The following GRIA2 variants were observed in gnomAD, a reference collection of about 807,000 sequenced individuals.
GRIA2 encodes glutamate receptor 2.
A neutral mutation model predicts 97.3 loss-of-function variants in GRIA2; 14 were observed. The observed-to-expected ratio is 0.14, with a 90% confidence interval of 0.10 to 0.23. The LOEUF is 0.23. GRIA2 is among the 10% of genes least tolerant of loss of function. The pLI, the probability that GRIA2 is intolerant of heterozygous loss-of-function variation, is 1.00. For synonymous variants in GRIA2, 412 were observed against 387.8 expected (o/e 1.06, Z -0.73); for missense variants, 558 against 1,069.8 (o/e 0.52, Z 6.67).
chr4:157,258,005 A>T (rs1731354431), intron 2 of GRIA2, among the ~76,000 whole-genome samples: 1 of 152,120 alleles, frequency 6.6e-6, no homozygotes. Flanking sequence ...TTCCCCAGTC[A>T]CTATTCTTGT....
At chr4:157,337,801 T>G (rs1340139866) in intron 11 of GRIA2, among the ~76,000 whole-genome samples, 1 of 151,492 alleles carries the variant, frequency 6.6e-6, no homozygotes, top group African/African-American at 2.4e-5. Flanking sequence ...AAATACATCA[T>G]GTAGCCAGAA....
chr4:157,257,412 A>G (rs1731327011), intron 2 of GRIA2, among the ~76,000 whole-genome samples: 1 of 152,104 alleles, frequency 6.6e-6, no homozygotes, highest in African/African-American at 2.4e-5. Flanking sequence ...AATGTGTCTT[A>G]AAAATACAGG....
intron 2 of GRIA2, among the ~76,000 whole-genome samples, chr4:157,295,631 C>T (rs1480966854): frequency 4.6e-5 from 7 of 151,976 alleles, no homozygotes; most frequent in Admixed American, 4.6e-4. Flanking sequence ...CCTTTCTGTC[C>T]ATAGATAGGA....
intron 12 of GRIA2, chr4:157,342,433 T>TG: frequency 1.0e-6 from 1 of 984,104 alleles, no homozygotes; most frequent in South Asian, 4.7e-5. Flanking sequence ...GATAGTAACT[T>TG]GGGTGTATGT....
At chr4:157,251,252 A>C (rs935349515) in intron 2 of GRIA2, among the ~76,000 whole-genome samples, 2 of 152,128 alleles carry the variant, frequency 1.3e-5, no homozygotes, top group Non-Finnish European at 2.9e-5. Context: ...AATGTCTCAG[A>C]AAGTATTTAA....
intron 12 of GRIA2, among the ~76,000 whole-genome samples, chr4:157,358,265 C>CAA (rs1332594992): frequency 2.0e-5 from 3 of 151,948 alleles, no homozygotes; most frequent in African/African-American, 4.8e-5. Flanking sequence ...TCAGAAAAAG[C>CAA]AAAAATGGTT....
intron 2 of GRIA2, among the ~76,000 whole-genome samples, chr4:157,279,956 C>T (rs565449086): frequency 3.3e-5 from 5 of 152,172 alleles, no homozygotes; most frequent in African/African-American, 1.2e-4. Context: ...AAAACCCCGT[C>T]TCTACTAAAA....
chr4:157,341,245 A>G lies in GRIA2; in HGVS notation c.1845-19A>G, dbSNP rs1212825583. The G allele has an allele frequency of 6.4e-7, 1 of 1,566,296 alleles. No homozygotes were observed. Among genetic ancestry groups the G allele is most frequent in the Non-Finnish European group, 8.8e-7 (1 of 1,137,096 alleles). ...GTCATTCATTTCACTTTACAAATCC[A>G]TTTCATACTTGTTATTAGATCCCTC... On this transcript the variant is annotated intron_variant, in intron 11 of 15. Transcript: ENST00000264426.
chr4:157,288,699 A>G (rs1732957752), intron 2 of GRIA2, among the ~76,000 whole-genome samples: 1 of 151,906 alleles, frequency 6.6e-6, no homozygotes, highest in African/African-American at 2.4e-5. Context: ...GAAACAGACA[A>G]ATATCCTCTG....
chr4:157,297,053 A>T (rs186356982), intron 2 of GRIA2, among the ~76,000 whole-genome samples: 1 of 152,292 alleles, frequency 6.6e-6, no homozygotes, highest in Non-Finnish European at 1.5e-5. Context: ...AAATTGATGG[A>T]TTTTAAGCAG....
At chr4:157,295,421 T>A (rs1348827839) in intron 2 of GRIA2, among the ~76,000 whole-genome samples, 2 of 152,062 alleles carry the variant, frequency 1.3e-5, no homozygotes, top group Non-Finnish European at 2.9e-5. Context: ...TTATGGAAAA[T>A]GTCATTGGGG....
intron 2 of GRIA2, among the ~76,000 whole-genome samples, chr4:157,282,680 A>C (rs1732660381): frequency 6.6e-6 from 1 of 152,072 alleles, no homozygotes; most frequent in African/African-American, 2.4e-5. Flanking sequence ...TGTTTCTGGT[A>C]GATTTTGCTT....
intron 2 of GRIA2, among the ~76,000 whole-genome samples, chr4:157,292,312 A>G (rs925027148): frequency 2.6e-5 from 4 of 152,096 alleles, no homozygotes; most frequent in Non-Finnish European, 5.9e-5. Context: ...CAATAAAATT[A>G]CATTAAAAGC....
At chr4:157,317,792 T>C in intron 5 of GRIA2, 81 bp downstream of exon 5, 1 of 642,242 alleles carries the variant, frequency 1.6e-6, no homozygotes, top group South Asian at 1.8e-5. Flanking sequence ...CCAGCATTTA[T>C]CAGTGGTGTT....
intron 2 of GRIA2, among the ~76,000 whole-genome samples, chr4:157,296,417 TA>T: frequency 6.6e-6 from 1 of 152,172 alleles, no homozygotes; most frequent in East Asian, 1.9e-4. Context: ...ATTTGACAAA[TA>T]TTTAATGATT....
intron 11 of GRIA2, 74 bp from the exon 12 acceptor site, chr4:157,341,190 C>T: frequency 1.1e-6 from 1 of 947,910 alleles, no homozygotes. Flanking sequence ...TCAATATTTG[C>T]ATAATACTGC....
chr4:157,317,313 G>A (rs1429056417), intron 4 of GRIA2, among the ~76,000 whole-genome samples: 1 of 152,046 alleles, frequency 6.6e-6, no homozygotes, highest in African/African-American at 2.4e-5. Context: ...GCCTTTGTAG[G>A]AATAGAATTC....
intron 2 of GRIA2, among the ~76,000 whole-genome samples, chr4:157,285,032 A>G (rs563973117): frequency 2.4e-4 from 36 of 151,848 alleles, no homozygotes; most frequent in Non-Finnish European, 4.7e-4. Flanking sequence ...ATGAATTCAC[A>G]TATCTACTGT....
intron 2 of GRIA2, among the ~76,000 whole-genome samples, chr4:157,263,242 C>G (rs998933040): frequency 3.9e-5 from 6 of 151,946 alleles, no homozygotes; most frequent in African/African-American, 1.4e-4. Context: ...GTTTTCTTTT[C>G]TCATTCCCTG....
Sources: allele counts gnomAD v4.1 joint callset (sites outside exome capture counted in the v4.1 genomes callset), GRCh38; gene constraint gnomAD v4.1.1; transcripts MANE v1.5; gene names NCBI Gene and HGNC (gene_info 2026-07-23, HGNC 2026-07-21).